MBNL3: variants seen among roughly 807,000 people sequenced by gnomAD.
MBNL3 encodes the protein muscleblind like splicing regulator 3, also known as muscleblind-like protein 3.
A neutral mutation model predicts 24.5 loss-of-function variants in MBNL3; 6 were observed. The ratio of observed to expected loss-of-function variants is 0.25; its 90% CI spans 0.13 to 0.48. The LOEUF (loss-of-function observed/expected upper bound fraction) is 0.48. Ranked by LOEUF, MBNL3 falls within the 20% of genes least tolerant of loss-of-function variation. The pLI is 0.99. For synonymous variants in MBNL3, 100 were observed against 101.7 expected (o/e 0.98, Z 0.10); for missense variants, 230 against 293.5 (o/e 0.78, Z 1.58).
chrX:132,472,337 G>A (rs565105433), intron 1 of MBNL3, among the ~76,000 whole-genome samples: 1 of 112,055 alleles, frequency 8.9e-6, no homozygotes, highest in African/African-American at 3.2e-5. Flanking sequence ...GTCTGATGAT[G>A]TACAGACACA....
At chrX:132,386,632 C>T (rs760506422) in intron 6 of MBNL3, 29 bp downstream of exon 6, 2 of 1,206,580 alleles carry the variant, frequency 1.7e-6, no homozygotes, top group Admixed American at 2.2e-5. Flanking sequence ...TCACCAAACT[C>T]GCTGCAGTGC....
intron 2 of MBNL3, among the ~76,000 whole-genome samples, chrX:132,429,236 A>G (rs146645320): frequency 4.1e-4 from 46 of 112,792 alleles, no homozygotes; most frequent in Non-Finnish European, 6.4e-4. Flanking sequence ...TGCTACTGCA[A>G]TATTTCAGCT....
At chrX:132,424,585 G>A (rs888048605) in intron 2 of MBNL3, among the ~76,000 whole-genome samples, 4 of 111,811 alleles carry the variant, frequency 3.6e-5, no homozygotes, top group African/African-American at 1.3e-4. Context: ...TCTCTTGGGG[G>A]TGGAGGAATC....
At chrX:132,419,403 G>A (rs1429403555) in intron 2 of MBNL3, among the ~76,000 whole-genome samples, 1 of 111,826 alleles carries the variant, frequency 8.9e-6, no homozygotes, top group Non-Finnish European at 1.9e-5. Context: ...ACACCATAGT[G>A]CCATTCAGAA....
intron 1 of MBNL3, among the ~76,000 whole-genome samples, chrX:132,454,052 A>G (rs1464715441): frequency 1.8e-5 from 2 of 112,180 alleles, no homozygotes; most frequent in Admixed American, 1.9e-4. Flanking sequence ...AGATCATGCC[A>G]TTACACTCTA....
At chrX:132,396,937 CATAT>C (rs746298907) in intron 3 of MBNL3, among the ~76,000 whole-genome samples, 2 of 70,900 alleles carry the variant, frequency 2.8e-5, no homozygotes, top group South Asian at 6.7e-4. Flanking sequence ...TATATACATT[CATAT>C]ATATATTCAT....
At chrX:132,464,197 G>A (rs769232923) in intron 1 of MBNL3, among the ~76,000 whole-genome samples, 9 of 112,158 alleles carry the variant, frequency 8.0e-5, no homozygotes, top group Non-Finnish European at 1.7e-4. Flanking sequence ...ACAGCATATC[G>A]TAAACGGAAT....
chrX:132,486,874 G>A (rs1287136988), intron 1 of MBNL3, among the ~76,000 whole-genome samples: 1 of 111,913 alleles, frequency 8.9e-6, no homozygotes, highest in Non-Finnish European at 1.9e-5. Flanking sequence ...GAGTCATTAC[G>A]ATTGCTTAAA....
At chrX:132,392,415 C>T in intron 3 of MBNL3, 81 bp from the exon 4 acceptor site, 1 of 780,271 alleles carries the variant, frequency 1.3e-6, no homozygotes, top group Non-Finnish European at 1.8e-6. Flanking sequence ...CTTTCAGAAA[C>T]ATCAAAATTA....
intron 2 of MBNL3, among the ~76,000 whole-genome samples, chrX:132,409,667 C>T (rs114257264): frequency 1.2e-3 from 129 of 111,484 alleles, no homozygotes; most frequent in African/African-American, 3.8e-3. Flanking sequence ...ACTCTGTAAA[C>T]GTACCTACAA....
intron 1 of MBNL3, among the ~76,000 whole-genome samples, chrX:132,471,775 T>C (rs991441880): frequency 8.9e-6 from 1 of 111,808 alleles, no homozygotes; most frequent in Non-Finnish European, 1.9e-5. Context: ...GATGTTCCGA[T>C]GTTTATTTGT....
At chrX:132,416,102 G>C (rs1179094590) in intron 2 of MBNL3, among the ~76,000 whole-genome samples, 4 of 111,561 alleles carry the variant, frequency 3.6e-5, no homozygotes, top group African/African-American at 1.3e-4. Flanking sequence ...ATGCACCCCT[G>C]TGTTTATTAC....
At chrX:132,382,303 C>A in intron 7 of MBNL3, 31 bp from the exon 8 acceptor site, 1 of 1,104,787 alleles carries the variant, frequency 9.1e-7, no homozygotes, top group Non-Finnish European at 1.2e-6. Context: ...AAGCAACACA[C>A]GGGAGGGTAG....
chrX:132,418,959 C>T (rs1195275421), intron 2 of MBNL3, among the ~76,000 whole-genome samples: 2 of 111,694 alleles, frequency 1.8e-5, no homozygotes, highest in Non-Finnish European at 3.8e-5. Flanking sequence ...TTTTTTGTAA[C>T]GATGGGGTTT....
chrX:132,436,504 CA>C (rs772485880), intron 2 of MBNL3, among the ~76,000 whole-genome samples: 1 of 111,928 alleles, frequency 8.9e-6, no homozygotes, highest in East Asian at 2.8e-4. Context: ...CAAAACAAAA[CA>C]AAAACAAAAG....
intron 1 of MBNL3, among the ~76,000 whole-genome samples, chrX:132,447,588 T>C (rs1291296991): frequency 3.6e-5 from 4 of 112,197 alleles, no homozygotes; most frequent in East Asian, 2.8e-4. Context: ...CTTGTGATTT[T>C]TGCACATTGA....
intron 3 of MBNL3, among the ~76,000 whole-genome samples, chrX:132,405,880 C>CAA (rs58288015): frequency 4.8e-3 from 156 of 32,604 alleles, no homozygotes; most frequent in African/African-American, 0.012. Context: ...TCTGTCTCAC[C>CAA]AAAAAAAAAA....
chrX:132,451,962 C>G (rs1477251215), intron 1 of MBNL3, among the ~76,000 whole-genome samples: 2 of 111,636 alleles, frequency 1.8e-5, no homozygotes, highest in Non-Finnish European at 3.8e-5. Flanking sequence ...TGAGACAACG[C>G]CCCACCCTGC....
intron 1 of MBNL3, among the ~76,000 whole-genome samples, chrX:132,481,623 C>T (rs770235877): frequency 8.9e-6 from 1 of 111,817 alleles, no homozygotes; most frequent in African/African-American, 3.2e-5. Flanking sequence ...AATCAAATCA[C>T]ATTTTAGATC....
Sources: gnomAD v4.1 joint callset for allele counts (sites outside exome capture counted in the v4.1 genomes callset) on GRCh38, gnomAD v4.1.1 for gene constraint, MANE v1.5 for transcripts, NCBI Gene and HGNC (gene_info 2026-07-23, HGNC 2026-07-21) for gene names.